The following SEMA6D variants were observed in gnomAD, a reference collection of about 807,000 sequenced individuals.
SEMA6D encodes semaphorin 6D.
In SEMA6D, 35 loss-of-function variants were observed where a neutral mutation model predicts 106.6. The ratio of observed to expected loss-of-function variants is 0.33; its 90% confidence interval spans 0.25 to 0.44. The LOEUF is 0.44. Among genes scored for constraint, SEMA6D ranks in the 20% least tolerant of loss-of-function variants. The probability of loss-of-function intolerance (pLI) is 1.00; values close to 1 mark genes in which losing one functional copy is unlikely to be tolerated. For missense variants in SEMA6D, 1,185 were observed against 1,345.9 expected, an observed-to-expected ratio of 0.88 and a Z score of 1.87; for synonymous variants, 499 against 487.7, an observed-to-expected ratio of 1.02 and a Z score of -0.31.
At chr15:47,309,574 A>G (rs2036364466) in intron 1 of SEMA6D, among the ~76,000 whole-genome samples, 2 of 152,158 alleles carry the variant, frequency 1.3e-5, no homozygotes, top group South Asian at 4.1e-4. Flanking sequence ...CATGGAAAAG[A>G]CACAGTGTAT....
chr15:47,504,721 A>G (rs1050448673), intron 3 of SEMA6D, among the ~76,000 whole-genome samples: 1 of 152,070 alleles, frequency 6.6e-6, no homozygotes, highest in Non-Finnish European at 1.5e-5. Flanking sequence ...ACACACACAA[A>G]CACACACAGG....
upstream of SEMA6D, among the ~76,000 whole-genome samples, chr15:47,714,841 C>T (rs1403532196): frequency 2.6e-5 from 4 of 152,170 alleles, no homozygotes; most frequent in African/African-American, 7.2e-5. Context: ...GTCGTAGGTT[C>T]CATTGTTAGA....
At chr15:47,196,780 C>T (rs715693) in intron 1 of SEMA6D, among the ~76,000 whole-genome samples, 57,071 of 152,000 alleles carry the variant, frequency 0.38, 11,139 homozygotes, top group Middle Eastern at 0.51. Flanking sequence ...CAAGAGAATG[C>T]GAAACATGTT....
rs556107822 is a variant in SEMA6D at position 47,481,574 on chromosome 15, A to T, written c.-87+11029A>T. ...GACTGTTTTAGGTCACAACCATTGC[A>T]ATTTCCAGACATCTGGCCTTGAAGT... On this transcript the variant is annotated intron_variant, in intron 3 of 19. Transcript: ENST00000558014. Among the ~76,000 whole-genome samples the T allele has an allele frequency of 9.2e-5, 14 of 152,242 alleles. 2 individuals carry two copies. The highest frequency in any genetic ancestry group is 3.4e-4 in the African/African-American group (14 of 41,548).
chr15:47,666,186 A>T (rs971023933), intron 4 of SEMA6D, among the ~76,000 whole-genome samples: 2 of 152,214 alleles, frequency 1.3e-5, no homozygotes, highest in Admixed American at 1.3e-4. Context: ...ACAAACTTCT[A>T]TTCAGATTTC....
intron 3 of SEMA6D, among the ~76,000 whole-genome samples, chr15:47,484,551 A>G (rs749086068): frequency 3.9e-5 from 6 of 152,090 alleles, no homozygotes; most frequent in Non-Finnish European, 8.8e-5. Flanking sequence ...TGTTTATTTT[A>G]TTTCCAATAT....
chr15:47,360,805 A>G (rs947187935), intron 1 of SEMA6D, among the ~76,000 whole-genome samples: 3 of 152,396 alleles, frequency 2.0e-5, no homozygotes, highest in Middle Eastern at 3.4e-3. Context: ...TATGAAAGAA[A>G]GTAAACTAAA....
intron 4 of SEMA6D, among the ~76,000 whole-genome samples, chr15:47,680,002 A>G (rs1210454133): frequency 6.6e-6 from 1 of 152,114 alleles, no homozygotes; most frequent in Non-Finnish European, 1.5e-5. Context: ...GAATCACCAG[A>G]TATTCCCTTT....
intron 1 of SEMA6D, among the ~76,000 whole-genome samples, chr15:47,345,851 A>G (rs2038024334): frequency 6.6e-6 from 1 of 152,192 alleles, no homozygotes; most frequent in Non-Finnish European, 1.5e-5. Context: ...GGGTGGTACA[A>G]GGAAACATTT....
At chr15:47,312,693 ATAAAT>A (rs1374950336) in intron 1 of SEMA6D, among the ~76,000 whole-genome samples, 17 of 152,230 alleles carry the variant, frequency 1.1e-4, no homozygotes, top group African/African-American at 2.9e-4. Context: ...TATTAAAAAG[ATAAAT>A]TAAAACAGGA....
intron 1 of SEMA6D, among the ~76,000 whole-genome samples, chr15:47,364,493 G>A (rs2038936770): frequency 6.6e-6 from 1 of 152,208 alleles, no homozygotes; most frequent in African/African-American, 2.4e-5. Context: ...AGATGCTGGA[G>A]AAGCAGCAGC....
chr15:47,415,891 A>C (rs779252533), intron 2 of SEMA6D, among the ~76,000 whole-genome samples: 18 of 152,320 alleles, frequency 1.2e-4, no homozygotes, highest in Non-Finnish European at 1.6e-4. Context: ...ACAATTACAC[A>C]TGACATAAAA....
intron 1 of SEMA6D, among the ~76,000 whole-genome samples, chr15:47,192,769 A>G (rs1456815395): frequency 2.0e-5 from 3 of 152,206 alleles, no homozygotes; most frequent in Non-Finnish European, 4.4e-5. Flanking sequence ...TAGCAAATCT[A>G]TTGAAGATAT....
At chr15:47,543,572 G>A (rs944159640) in intron 3 of SEMA6D, among the ~76,000 whole-genome samples, 3 of 152,082 alleles carry the variant, frequency 2.0e-5, no homozygotes, top group Admixed American at 2.0e-4. Flanking sequence ...TTAGCAGCAT[G>A]ACAACAAACT....
At chr15:47,590,406 G>C (rs2076417502) in intron 3 of SEMA6D, among the ~76,000 whole-genome samples, 1 of 152,032 alleles carries the variant, frequency 6.6e-6, no homozygotes, top group Non-Finnish European at 1.5e-5. Flanking sequence ...GGGAAGGATA[G>C]CATTAGGAGA....
intron 1 of SEMA6D, among the ~76,000 whole-genome samples, chr15:47,263,255 C>T (rs766759355): frequency 2.1e-4 from 32 of 152,198 alleles, no homozygotes; most frequent in Admixed American, 1.0e-3. Flanking sequence ...ACAGTGTAAG[C>T]GGACAACCTA....
intron 1 of SEMA6D, among the ~76,000 whole-genome samples, chr15:47,752,122 C>T (rs1023111691): frequency 6.6e-6 from 1 of 152,088 alleles, no homozygotes; most frequent in Non-Finnish European, 1.5e-5. Context: ...GGGCTCCATC[C>T]CAGGAGTAAT....
At chr15:47,532,079 G>A (rs2044991869) in intron 3 of SEMA6D, among the ~76,000 whole-genome samples, 1 of 152,068 alleles carries the variant, frequency 6.6e-6, no homozygotes, top group Non-Finnish European at 1.5e-5. Flanking sequence ...CAAAGACCTT[G>A]ACCATGGCGA....
chr15:47,575,426 A>G (rs563240658), intron 3 of SEMA6D, among the ~76,000 whole-genome samples: 1 of 152,224 alleles, frequency 6.6e-6, no homozygotes, highest in South Asian at 2.1e-4. Flanking sequence ...AGCAGCTTGA[A>G]TGGGGGCTGG....
Sources: gnomAD v4.1 joint callset for allele counts (sites outside exome capture counted in the v4.1 genomes callset) on GRCh38, gnomAD v4.1.1 for gene constraint, MANE v1.5 for transcripts, NCBI Gene and HGNC (gene_info 2026-07-23, HGNC 2026-07-21) for gene names.